HUNK: variants seen among roughly 807,000 people sequenced by gnomAD.
HUNK encodes the protein hormonally up-regulated Neu-associated kinase, also known as hormonally up-regulated neu tumor-associated kinase.
HUNK carries 21 observed loss-of-function variants against 61.0 expected under a neutral mutation model. The ratio of observed to expected loss-of-function variants is 0.34; its 90% CI spans 0.24 to 0.50. The LOEUF (loss-of-function observed/expected upper bound fraction) is 0.50, where lower values mean the gene tolerates loss of function less well. Among genes scored for constraint, HUNK ranks in the 20% least tolerant of loss-of-function variants. The probability of loss-of-function intolerance (pLI) is 0.98; values close to 1 mark genes in which losing one functional copy is unlikely to be tolerated. For synonymous variants in HUNK, 371 were observed against 386.1 expected (o/e 0.96, Z 0.46); for missense variants, 772 against 945.7 (o/e 0.82, Z 2.41).
Position 31,924,637 on chromosome 21 carries a change from C to G in HUNK, c.431C>G (p.Pro144Arg). The change falls in exon 2 of 11, where the codon CCT (proline) becomes CGT (arginine). Residue 144 changes from proline (P) to arginine (R), a missense_variant. Around this residue, in one of 2 missense-constraint regions of HUNK, gnomAD observed 359 missense variants for 501.3 expected, o/e 0.72. Transcript: ENST00000270112. This position sits in a 1 kb window ranked among gnomAD's most constrained non-coding sequence, Gnocchi z 5.1. ...TACTACCTGGTCATGGAGCTGTGCC[C>G]TGGGGGCAACCTGATGCACAAGATC... is the stretch of plus-strand genomic sequence containing the variant. ...NSYYLVMELC[P>R]GGNLMHKIYE... 1 of 1,614,168 alleles carries G rather than the reference C, an allele frequency of 6.2e-7. No individual in the cohort carries two copies. The highest frequency in any genetic ancestry group is 8.5e-7 in the Non-Finnish European group (1 of 1,180,024).
At chr21:31,948,194 G>GTT (rs1685226230) in intron 4 of HUNK, among the ~76,000 whole-genome samples, 2 of 152,224 alleles carry the variant, frequency 1.3e-5, no homozygotes, top group Admixed American at 6.5e-5. Context: ...AACGTGGCGT[G>GTT]TGGGGACCCT....
chr21:31,902,726 G>T (rs2052477561), intron 1 of HUNK, among the ~76,000 whole-genome samples: 1 of 152,196 alleles, frequency 6.6e-6, no homozygotes, highest in Admixed American at 6.5e-5. Flanking sequence ...CTCATCAATT[G>T]CATGCTTATT....
At chr21:31,978,397 C>A (rs915278623) in intron 7 of HUNK, among the ~76,000 whole-genome samples, 3 of 152,254 alleles carry the variant, frequency 2.0e-5, no homozygotes, top group Admixed American at 6.5e-5. Context: ...ACTATAGTCA[C>A]CACATTGTTC....
chr21:31,981,782 A>G (rs922097004), intron 7 of HUNK, among the ~76,000 whole-genome samples: 6 of 152,194 alleles, frequency 3.9e-5, no homozygotes, highest in African/African-American at 1.2e-4. Context: ...TTCTATATAT[A>G]AGATCGTGTA....
intron 1 of HUNK, among the ~76,000 whole-genome samples, chr21:31,887,605 C>T (rs2123791009): frequency 6.6e-6 from 1 of 152,298 alleles, no homozygotes; most frequent in South Asian, 2.1e-4. Flanking sequence ...TTCTGCCTTT[C>T]TTCAGACGCT....
chr21:31,960,348 A>G (rs769680911), intron 5 of HUNK, among the ~76,000 whole-genome samples: 3 of 152,022 alleles, frequency 2.0e-5, no homozygotes, highest in Non-Finnish European at 4.4e-5. Flanking sequence ...AGAAAGTAAA[A>G]TAAATTGGGA....
chr21:31,952,127 C>G (rs2052854414), intron 4 of HUNK, among the ~76,000 whole-genome samples: 1 of 151,616 alleles, frequency 6.6e-6, no homozygotes, highest in Non-Finnish European at 1.5e-5. Context: ...TAATTTCTTG[C>G]TAAACATAGA....
chr21:31,892,162 A>AAAATATAT (rs1479271300), intron 1 of HUNK, among the ~76,000 whole-genome samples: 1 of 114,052 alleles, frequency 8.8e-6, no homozygotes, highest in African/African-American at 3.5e-5. Flanking sequence ...AAAAAAAAAA[A>AAAATATAT]ATATATATAT....
At chr21:31,896,605 G>T (rs1404618119) in intron 1 of HUNK, among the ~76,000 whole-genome samples, 3 of 152,190 alleles carry the variant, frequency 2.0e-5, no homozygotes, top group Non-Finnish European at 4.4e-5. Flanking sequence ...AGAAAATGTT[G>T]TCCCTCTAGT....
chr21:31,952,850 C>A (rs957473829), intron 4 of HUNK, among the ~76,000 whole-genome samples: 3 of 151,668 alleles, frequency 2.0e-5, no homozygotes, highest in Non-Finnish European at 2.9e-5. Flanking sequence ...CTGGAAAAAC[C>A]CCTGGTCGTA....
At chr21:31,957,182 A>G (rs1209116619) in intron 4 of HUNK, among the ~76,000 whole-genome samples, 2 of 152,126 alleles carry the variant, frequency 1.3e-5, no homozygotes. Context: ...GACTGTGCTC[A>G]TCTATTTGTT....
chr21:31,986,080 G>A (rs1170301082), intron 8 of HUNK, among the ~76,000 whole-genome samples: 1 of 152,088 alleles, frequency 6.6e-6, no homozygotes, highest in Non-Finnish European at 1.5e-5. Flanking sequence ...GAGCCAGGTG[G>A]TGGGGACCCA....
chr21:31,997,541 C>A (rs1006482359), intron 10 of HUNK, among the ~76,000 whole-genome samples: 2 of 152,138 alleles, frequency 1.3e-5, no homozygotes, highest in Non-Finnish European at 2.9e-5. Flanking sequence ...TGGTTAGATT[C>A]ATAGAGACAG....
intron 1 of HUNK, among the ~76,000 whole-genome samples, chr21:31,893,764 G>C (rs902594518): frequency 6.6e-6 from 1 of 152,168 alleles, no homozygotes; most frequent in African/African-American, 2.4e-5. Context: ...AATTCTCCAT[G>C]TTTTTGATCA....
intron 10 of HUNK, 54 bp downstream of exon 10, chr21:31,996,002 C>G: frequency 1.5e-6 from 2 of 1,337,032 alleles, no homozygotes; most frequent in Non-Finnish European, 2.1e-6. Flanking sequence ...TGTGTGTCCG[C>G]TGTGTAGCCC....
intron 9 of HUNK, among the ~76,000 whole-genome samples, chr21:31,994,475 C>T (rs1011246289): frequency 3.9e-5 from 6 of 152,198 alleles, no homozygotes; most frequent in African/African-American, 7.2e-5. Context: ...AAAAAATAGA[C>T]GAGCTCTCTT....
chr21:31,959,041 CAG>C, intron 5 of HUNK, 71 bp downstream of exon 5: 1 of 1,397,098 alleles, frequency 7.2e-7, no homozygotes, highest in Non-Finnish European at 9.5e-7. Context: ...ACCTGTGAAA[CAG>C]TATTTGTTTT....
At chr21:31,910,101 A>T (rs1335811600) in intron 1 of HUNK, among the ~76,000 whole-genome samples, 1 of 152,218 alleles carries the variant, frequency 6.6e-6, no homozygotes, top group Admixed American at 6.5e-5. Flanking sequence ...GTTATTACTA[A>T]TAACCATCAT....
intron 1 of HUNK, among the ~76,000 whole-genome samples, chr21:31,901,043 T>C (rs909241782): frequency 2.6e-5 from 4 of 152,196 alleles, no homozygotes; most frequent in African/African-American, 9.7e-5. Context: ...GCATTCTCTG[T>C]GTGTCTCTGT....
Sources: allele counts gnomAD v4.1 joint callset (sites outside exome capture counted in the v4.1 genomes callset), GRCh38; gene constraint gnomAD v4.1.1; regional missense constraint gnomAD v4.1.1; non-coding constraint Gnocchi (gnomAD v3.1); transcripts MANE v1.5; gene names NCBI Gene and HGNC (gene_info 2026-07-23, HGNC 2026-07-21).